The following GOLGA4 variants were observed in gnomAD, a reference collection of about 807,000 sequenced individuals.
The protein encoded by GOLGA4 is golgin subfamily A member 4.
In GOLGA4, 169 loss-of-function variants were observed where a neutral mutation model predicts 265.9. The observed-to-expected ratio is 0.64, with a 90% CI of 0.56 to 0.72. GOLGA4 has a LOEUF of 0.72. GOLGA4 is among the 30% of genes least tolerant of loss of function. The pLI is 0.00. For synonymous variants in GOLGA4, 923 were observed against 855.8 expected (o/e 1.08, Z -1.37); for missense variants, 2,482 against 2,483.4 (o/e 1.00, Z 0.01).
intron 10 of GOLGA4, among the ~76,000 whole-genome samples, chr3:37,308,032 A>G (rs1017869113): frequency 6.6e-5 from 10 of 152,118 alleles, no homozygotes; most frequent in Non-Finnish European, 8.8e-5. Context: ...TCAGGAGTTC[A>G]AGACCAGCCT....
rs749194446 is a variant in GOLGA4, at chr3:37,315,517, C to A, written c.1332C>A (p.Ile444=). 3.7e-6 allele frequency: 6 copies of A among 1,613,486 alleles called. No homozygotes were observed. The highest frequency in any genetic ancestry group is 5.1e-6 in the Non-Finnish European group (6 of 1,179,762). The part of the protein sequence containing the change: ...KAEMDEQIKT[I]EKTSEEERIS... ...AAATGGATGAACAAATAAAAACTAT[C>A]GAAAAAACAAGTGAGGAGGAACGCA... Residue 444 remains isoleucine, a synonymous_variant, in exon 11 of 24, where the codon ATC becomes ATA. Transcript: ENST00000361924.
chr3:37,328,775 CTT>C (rs2096980643), intron 15 of GOLGA4, among the ~76,000 whole-genome samples, 186 bp from the exon 16 acceptor site: 1 of 152,116 alleles, frequency 6.6e-6, no homozygotes, highest in East Asian at 1.9e-4. Context: ...TGTAAAGACA[CTT>C]TTGCTCAGGG....
Position 37,282,247 on chromosome 3 carries a change from G to A in GOLGA4, c.452G>A (p.Ser151Asn). The A allele has an allele frequency of 6.2e-7, 1 of 1,614,038 alleles. No homozygotes were observed. The highest frequency in any genetic ancestry group is 2.2e-5 in the East Asian group (1 of 44,886). ...QRLRRMERSL[S>N]SYRGKYSELV... ...TTGCGAAGAATGGAACGAAGCTTAA[G>A]TAGCTACAGGGGAAAATATTCTGAG... is the stretch of plus-strand genomic sequence containing the variant. The change falls in exon 3 of 24, where the codon AGT (serine) becomes AAT (asparagine). Residue 151 changes from serine (S) to asparagine (N), a missense_variant. Physicochemically the swap from Ser to Asn is conservative, Grantham distance 46. This residue lies in a region of GOLGA4 where 1,536 missense variants were observed against 1,483.7 expected (regional missense o/e 1.04). Transcript: ENST00000361924.
intron 10 of GOLGA4, among the ~76,000 whole-genome samples, chr3:37,308,190 G>A (rs2096912553): frequency 6.6e-6 from 1 of 151,340 alleles, no homozygotes; most frequent in Non-Finnish European, 1.5e-5. Flanking sequence ...CCGAGATCCT[G>A]CCATTGCACT....
chr3:37,306,069 A>T, intron 10 of GOLGA4, among the ~76,000 whole-genome samples: 1 of 152,198 alleles, frequency 6.6e-6, no homozygotes. Flanking sequence ...GCATGCTGGC[A>T]TAAAAAGAAT....
At chr3:37,315,930 G>A (rs1445052582) in intron 11 of GOLGA4, among the ~76,000 whole-genome samples, 1 of 152,144 alleles carries the variant, frequency 6.6e-6, no homozygotes, top group African/African-American at 2.4e-5. Flanking sequence ...GGCCAAGAAG[G>A]TACTTGCCTA....
rs200677136 is a variant in GOLGA4 at position 37,327,286 on chromosome 3, G to T, written c.5400G>T (p.Glu1800Asp). 1.9e-6 allele frequency: 3 copies of T among 1,613,030 alleles called. No homozygotes were observed. The highest frequency in any genetic ancestry group is 2.5e-6 in the Non-Finnish European group (3 of 1,179,180). Reference protein sequence around the residue: ...DQSMIGHLQEELEEKNKKYSL... With the variant: ...DQSMIGHLQEDLEEKNKKYSL... ...GTATGATAGGTCATCTTCAAGAGGAGCTTGAAGAAAAAAACAAGAAATATT... is the reference window on the plus strand; with the variant it reads ...GTATGATAGGTCATCTTCAAGAGGATCTTGAAGAAAAAAACAAGAAATATT... The change falls in exon 14 of 24, where the codon GAG becomes GAT. Residue 1800 changes from glutamate (E) to aspartate (D), a missense_variant. Coordinates refer to ENST00000361924, the MANE Select transcript of GOLGA4 (RefSeq NM_002078.5).
At chr3:37,315,302 T>C in intron 10 of GOLGA4, 118 bp from the exon 11 acceptor site, 1 of 817,298 alleles carries the variant, frequency 1.2e-6, no homozygotes, top group Non-Finnish European at 1.9e-6. Flanking sequence ...AGAACAGTGA[T>C]GAGTTTTTTA....
chr3:37,311,942 TA>T (rs1256633438), intron 10 of GOLGA4, among the ~76,000 whole-genome samples: 9 of 152,240 alleles, frequency 5.9e-5, no homozygotes, highest in Non-Finnish European at 1.2e-4. Context: ...ACATTACATT[TA>T]TTTTTTTATA....
Position 37,325,986 on chromosome 3 carries a change from T to G in GOLGA4, c.4100T>G (p.Val1367Gly), listed in dbSNP as rs778556493. ...LMKEELKEKK[V>G]EISSLSKQLT... is the part of the protein sequence containing the mutation. ...AAAGAAGAGCTTAAAGAAAAAAAAG[T>G]TGAGATTAGCAGTCTTAGTAAACAA... The change falls in exon 14 of 24, where the codon GTT (valine) becomes GGT (glycine). Residue 1367 changes from valine to glycine, a missense_variant. By Grantham distance (109) the Val-to-Gly change is moderately radical (BLOSUM62 -3). Transcript: ENST00000361924. The G allele has an allele frequency of 1.2e-6, 2 of 1,612,556 alleles. No homozygotes were observed. Among genetic ancestry groups the G allele is most frequent in the South Asian group, 2.2e-5 (2 of 90,890 alleles).
At chr3:37,294,900 C>A in intron 5 of GOLGA4, 79 bp from the exon 6 acceptor site, 1 of 815,234 alleles carries the variant, frequency 1.2e-6, no homozygotes, top group Non-Finnish European at 2.0e-6. Flanking sequence ...AATCTGTATT[C>A]AACATGTTTT....
chr3:37,302,209 C>CT lies in GOLGA4; in HGVS notation c.1111_1112insT (p.Arg371LeufsTer5). ...GGGAATGGTAATCGCAGAGACAAAACGTCAGATGCATGAAACCCTGGAAAT... is the reference window on the plus strand; with the variant it reads ...GGGAATGGTAATCGCAGAGACAAAACTGTCAGATGCATGAAACCCTGGAAAT... On this transcript the variant is annotated frameshift_variant, in exon 10 of 24. Coordinates refer to ENST00000361924, the MANE Select transcript of GOLGA4 (RefSeq NM_002078.5). LOFTEE classifies it high-confidence loss of function. The CT allele has an allele frequency of 6.2e-7, 1 of 1,613,248 alleles. No homozygotes were observed. The highest frequency in any genetic ancestry group is 8.5e-7 in the Non-Finnish European group (1 of 1,179,366).
rs139025728 is a variant in GOLGA4, at chr3:37,337,715, A to G, written c.6377A>G (p.Glu2126Gly). The G allele has an allele frequency of 6.2e-6, 10 of 1,609,742 alleles. No individual in the cohort carries two copies. In the African/African-American group the frequency reaches 9.3e-5, roughly 15 times the overall value. ...TTLISDSKLK[E>G]QEFREQIHNL... is the part of the protein sequence containing the mutation. ...TTAATCAGTGATTCGAAATTGAAAG[A>G]GCAAGAGTTCAGAGAACAGGTACAG... The change falls in exon 19 of 24, where the codon GAG (glutamate) becomes GGG (glycine). Residue 2126 changes from glutamate to glycine, a missense_variant. Transcript: ENST00000361924.
chr3:37,354,466 A>G (rs565895980), intron 21 of GOLGA4, among the ~76,000 whole-genome samples: 4 of 152,188 alleles, frequency 2.6e-5, no homozygotes, highest in African/African-American at 9.6e-5. Flanking sequence ...CTTATGGGTG[A>G]CAGTCTGACT....
At chr3:37,340,757 ATGT>A (rs2097030932) in intron 20 of GOLGA4, among the ~76,000 whole-genome samples, 1 of 152,170 alleles carries the variant, frequency 6.6e-6, no homozygotes, top group African/African-American at 2.4e-5. Context: ...AGGTTCATCC[ATGT>A]TGTTCCAATG....
chr3:37,301,239 G>C (rs1428093936), intron 9 of GOLGA4, among the ~76,000 whole-genome samples: 1 of 152,182 alleles, frequency 6.6e-6, no homozygotes, highest in Non-Finnish European at 1.5e-5. Context: ...ATACCATTTA[G>C]TTGTCTTTTT....
intron 2 of GOLGA4, among the ~76,000 whole-genome samples, chr3:37,280,609 A>G (rs2096832257): frequency 6.6e-6 from 1 of 152,150 alleles, no homozygotes; most frequent in African/African-American, 2.4e-5. Context: ...CAATATACAT[A>G]TTGTTTTATA....
intron 21 of GOLGA4, among the ~76,000 whole-genome samples, chr3:37,349,270 G>T (rs2097066201): frequency 6.6e-6 from 1 of 152,138 alleles, no homozygotes. Flanking sequence ...GTAAGGAAGG[G>T]AACTGTTCTC....
chr3:37,320,004 T>C (rs2096950251), intron 12 of GOLGA4: 1 of 152,172 alleles, frequency 6.6e-6, no homozygotes, highest in African/African-American at 2.4e-5. Flanking sequence ...AAATTTTGGC[T>C]GACTTGCATT....
Sources: gnomAD v4.1 joint callset for allele counts (sites outside exome capture counted in the v4.1 genomes callset) on GRCh38, gnomAD v4.1.1 for gene constraint, gnomAD v4.1.1 regional missense constraint, MANE v1.5 for transcripts, NCBI Gene and HGNC (gene_info 2026-07-23, HGNC 2026-07-21) for gene names.